PHAF1: variants seen among roughly 807,000 people sequenced by gnomAD.
PHAF1 encodes phagosome assembly factor 1.
Under a neutral mutation model 63.1 loss-of-function variants are expected in PHAF1, and 23 were observed. The ratio of observed to expected loss-of-function variants is 0.36; its 90% CI spans 0.26 to 0.52. The LOEUF (loss-of-function observed/expected upper bound fraction) is 0.52, where lower values mean the gene tolerates loss of function less well. Among genes scored for constraint, PHAF1 ranks in the 20% least tolerant of loss-of-function variants. The pLI, the probability that PHAF1 is intolerant of heterozygous loss-of-function variation, is 0.93. For missense variants in PHAF1, 427 were observed against 517.2 expected (o/e 0.83, Z 1.69); for synonymous variants, 167 against 185.0 (o/e 0.90, Z 0.79).
Position 67,146,248 on chromosome 16 carries a change from CCTCT to C in PHAF1, c.1110-27_1110-24del, listed in dbSNP as rs765689080. ...GCTTTAAGGCCGTGGCCTCTGTCTG[CCTCT>C]CTAATTCTGAATTCTTTGGCCTCAG... On this transcript the variant is annotated intron_variant, in intron 14 of 15. Transcript: ENST00000219139. 45 of 1,598,596 alleles carry C rather than the reference CCTCT, an allele frequency of 2.8e-5. No homozygotes were observed. In the South Asian group the frequency reaches 2.9e-4, roughly 10 times the overall value.
intron 8 of PHAF1, chr16:67,134,839 T>C (rs1963553586): frequency 2.5e-6 from 1 of 403,536 alleles, no homozygotes; most frequent in South Asian, 1.8e-5. Context: ...CCTGACCTTC[T>C]AATACCATCA....
At chr16:67,124,115 A>G (rs1053822017) in intron 2 of PHAF1, among the ~76,000 whole-genome samples, 3 of 152,200 alleles carry the variant, frequency 2.0e-5, no homozygotes, top group East Asian at 1.9e-4. Context: ...GGAAAAAAAA[A>G]AAAGATCAGA....
At position 67,147,271 on chromosome 16, in the gene PHAF1, A is replaced by G. The variant is rs1303510748; in HGVS notation, c.*140A>G. The G allele has an allele frequency of 2.5e-6, 2 of 786,276 alleles. No homozygotes were observed. The highest frequency in any genetic ancestry group is 4.1e-6 in the Non-Finnish European group (2 of 488,676). The allele number at this position is 786,276 out of a possible 1,614,324, so 48.7% of individuals were successfully genotyped here. ...GTTGTGATGTTCTGAGGTTGGGCTC[A>G]GGCTGGGTGCTCTGCCATGGGCTGA... On this transcript the variant is annotated 3_prime_UTR_variant, in exon 16 of 16. Transcript: ENST00000219139.
At chr16:67,117,445 C>T (rs1292757120) in intron 1 of PHAF1, among the ~76,000 whole-genome samples, 1 of 151,552 alleles carries the variant, frequency 6.6e-6, no homozygotes, top group Admixed American at 6.6e-5. Context: ...TGTAAATCTG[C>T]TTATAATGGG....
At chr16:67,116,975 T>G (rs1962759742) in intron 1 of PHAF1, among the ~76,000 whole-genome samples, 1 of 152,144 alleles carries the variant, frequency 6.6e-6, no homozygotes, top group African/African-American at 2.4e-5. Context: ...TGTTTTTTGA[T>G]TGCCCAGGAC....
At chr16:67,135,462 C>T (rs1253714511) in intron 8 of PHAF1, 2 of 152,250 alleles carry the variant, frequency 1.3e-5, no homozygotes, top group Non-Finnish European at 2.9e-5. Context: ...CCCCTTTTTT[C>T]TACCTTTTTT....
chr16:67,144,271 A>T, intron 10 of PHAF1, 23 bp from the exon 11 acceptor site: 2 of 1,572,484 alleles, frequency 1.3e-6, no homozygotes, highest in Non-Finnish European at 1.8e-6. Context: ...TCCCTCCTTG[A>T]GTACCCTTGT....
At chr16:67,140,381 G>C in intron 9 of PHAF1, 130 bp from the exon 10 acceptor site, 3 of 898,544 alleles carry the variant, frequency 3.3e-6, no homozygotes, top group African/African-American at 1.7e-5. Flanking sequence ...AGCACCAGCA[G>C]CTGAGACTCC....
chr16:67,144,952 G>A (rs879170066), intron 12 of PHAF1, 75 bp downstream of exon 12: 7 of 1,538,138 alleles, frequency 4.6e-6, no homozygotes, highest in South Asian at 3.4e-5. Context: ...GAGAAAGATC[G>A]AAGCAGTGGT....
chr16:67,115,818 C>G (rs1208412425), intron 1 of PHAF1, among the ~76,000 whole-genome samples: 1 of 152,130 alleles, frequency 6.6e-6, no homozygotes, highest in Non-Finnish European at 1.5e-5. Context: ...TCCTAAGATG[C>G]TGAGACATCC....
At chr16:67,139,579 GCT>G (rs1218440077) in intron 8 of PHAF1, 30 of 169,650 alleles carry the variant, frequency 1.8e-4, no homozygotes, top group Non-Finnish European at 3.3e-4. Flanking sequence ...CAAACTCTGA[GCT>G]CAAACAACCC....
At chr16:67,143,855 G>A (rs1963894226) in intron 10 of PHAF1, among the ~76,000 whole-genome samples, 1 of 151,822 alleles carries the variant, frequency 6.6e-6, no homozygotes, top group Non-Finnish European at 1.5e-5. Context: ...TTGGGAGGCC[G>A]AGGTGGGCGG....
chr16:67,117,199 A>ATTTTTTTTTTTTTTTT (rs750308105), intron 1 of PHAF1, among the ~76,000 whole-genome samples: 30 of 111,952 alleles, frequency 2.7e-4, no homozygotes, highest in African/African-American at 1.1e-3. Context: ...TGCCCAGCTA[A>ATTTTTTTTTTTTTTTT]TTTTTTTTTT....
At chr16:67,111,350 C>T (rs954863386) in intron 1 of PHAF1, among the ~76,000 whole-genome samples, 1 of 152,196 alleles carries the variant, frequency 6.6e-6, no homozygotes, top group African/African-American at 2.4e-5. Flanking sequence ...TCAGTAACCC[C>T]TGTGTGTTTA....
intron 10 of PHAF1, among the ~76,000 whole-genome samples, chr16:67,141,770 G>C (rs894565629): frequency 6.6e-6 from 1 of 152,182 alleles, no homozygotes; most frequent in Admixed American, 6.5e-5. Flanking sequence ...AGGAGAATGC[G>C]GTGGCACCCG....
At chr16:67,116,065 A>G (rs1962721141) in intron 1 of PHAF1, among the ~76,000 whole-genome samples, 1 of 152,028 alleles carries the variant, frequency 6.6e-6, no homozygotes, top group Admixed American at 6.5e-5. Context: ...CTTGACATCT[A>G]ACTAACTGAG....
intron 3 of PHAF1, among the ~76,000 whole-genome samples, chr16:67,129,125 GATATAT>G: frequency 6.6e-6 from 1 of 152,216 alleles, no homozygotes; most frequent in African/African-American, 2.4e-5. Flanking sequence ...AGTTTGGCAT[GATATAT>G]TCCCATGCCC....
chr16:67,120,059 T>A, intron 1 of PHAF1, 53 bp from the exon 2 acceptor site: 3 of 1,504,518 alleles, frequency 2.0e-6, no homozygotes, highest in Non-Finnish European at 2.8e-6. Flanking sequence ...AAGTGGTAGA[T>A]GTCAATAGAT....
intron 8 of PHAF1, among the ~76,000 whole-genome samples, chr16:67,137,042 C>T (rs1042871002): frequency 2.6e-5 from 4 of 152,054 alleles, no homozygotes; most frequent in Non-Finnish European, 4.4e-5. Flanking sequence ...GTAGTTCCAG[C>T]TACTCGGGAG....
Sources: gnomAD v4.1 joint callset for allele counts (sites outside exome capture counted in the v4.1 genomes callset) on GRCh38, gnomAD v4.1.1 for gene constraint, MANE v1.5 for transcripts, NCBI Gene and HGNC (gene_info 2026-07-23, HGNC 2026-07-21) for gene names.